TENM1: variants seen among roughly 807,000 people sequenced by gnomAD.
TENM1 encodes the protein teneurin-1.
In TENM1, 35 loss-of-function variants were observed where a neutral mutation model predicts 174.8. That is an observed-to-expected ratio of 0.20 (90% CI 0.15 to 0.27). TENM1 has a LOEUF of 0.27. TENM1 is among the 10% of genes least tolerant of loss of function. The probability of loss-of-function intolerance (pLI) is 1.00; values close to 1 mark genes in which losing one functional copy is unlikely to be tolerated. For synonymous variants in TENM1, 781 were observed against 798.7 expected (o/e 0.98, Z 0.37); for missense variants, 1,633 against 2,130.1 (o/e 0.77, Z 4.59).
At chrX:125,076,868 T>G in the TENM1 span, among the ~76,000 whole-genome samples, 3 of 111,658 alleles carry the variant, frequency 2.7e-5, no homozygotes, top group South Asian at 7.4e-4. Context: ...GATGCCTTTG[T>G]TATCCTTATC....
intron 11 of TENM1, among the ~76,000 whole-genome samples, chrX:124,582,502 G>A (rs753537103): frequency 8.9e-6 from 1 of 111,964 alleles, no homozygotes; most frequent in East Asian, 2.8e-4. Flanking sequence ...TACTATAAAT[G>A]GGATTGTATT....
intron 5 of TENM1, among the ~76,000 whole-genome samples, chrX:124,693,013 A>AC: frequency 9.4e-6 from 1 of 106,342 alleles, no homozygotes; most frequent in African/African-American, 3.4e-5. Flanking sequence ...CATCTCAAAA[A>AC]AAAAAAAAAA....
At chrX:124,998,642 G>GA in the TENM1 span, among the ~76,000 whole-genome samples, 12 of 111,080 alleles carry the variant, frequency 1.1e-4, no homozygotes, top group African/African-American at 3.9e-4. Context: ...TGACTTATGG[G>GA]AAAAATGAGG....
chrX:124,615,961 TCA>T (rs200999346), intron 11 of TENM1, among the ~76,000 whole-genome samples: 2 of 111,785 alleles, frequency 1.8e-5, no homozygotes, highest in African/African-American at 3.2e-5. Context: ...ACTGGTGGGG[TCA>T]CACACACACA....
chrX:124,768,831 T>A (rs2054588179), intron 3 of TENM1, among the ~76,000 whole-genome samples: 2 of 112,544 alleles, frequency 1.8e-5, no homozygotes, highest in African/African-American at 6.4e-5. Flanking sequence ...ATTCACATAT[T>A]CAGTATTGAA....
At chrX:124,670,154 AACTT>A (rs1389931477) in intron 6 of TENM1, among the ~76,000 whole-genome samples, 6 of 112,149 alleles carry the variant, frequency 5.4e-5, no homozygotes, top group Non-Finnish European at 1.1e-4. Context: ...CATCATCATC[AACTT>A]ACTTTATGGA....
intron 11 of TENM1, among the ~76,000 whole-genome samples, chrX:124,604,693 A>G (rs1177990990): frequency 9.0e-6 from 1 of 111,058 alleles, no homozygotes; most frequent in African/African-American, 3.3e-5. Flanking sequence ...TGTTGGAAAT[A>G]TAGTGTAACT....
intron 6 of TENM1, among the ~76,000 whole-genome samples, chrX:124,662,328 C>T (rs762822908): frequency 9.2e-6 from 1 of 108,967 alleles, no homozygotes; most frequent in South Asian, 4.1e-4. Flanking sequence ...GTGGTGCGCG[C>T]CTGTAATCCC....
At chrX:124,830,021 G>A (rs921964571) in intron 3 of TENM1, among the ~76,000 whole-genome samples, 2 of 111,877 alleles carry the variant, frequency 1.8e-5, no homozygotes, top group Admixed American at 9.5e-5. Flanking sequence ...AGGTGGTCCC[G>A]GCTTAGTGTA....
chrX:124,835,726 C>T (rs2056378765), intron 3 of TENM1, among the ~76,000 whole-genome samples: 1 of 111,319 alleles, frequency 9.0e-6, no homozygotes, highest in Admixed American at 9.6e-5. Flanking sequence ...ATAGAGTTAC[C>T]TTCATAAATG....
At chrX:124,942,930 A>T (rs1201507078) in intron 1 of TENM1, among the ~76,000 whole-genome samples, 1 of 111,920 alleles carries the variant, frequency 8.9e-6, no homozygotes. Flanking sequence ...GAGACTAAGG[A>T]GGATCAGACA....
intron 25 of TENM1, among the ~76,000 whole-genome samples, chrX:124,408,631 T>C (rs1279297567): frequency 1.8e-5 from 2 of 110,714 alleles, no homozygotes; most frequent in Non-Finnish European, 3.8e-5. Flanking sequence ...CCTTTCCTGA[T>C]TTCTTTCTTT....
intron 26 of TENM1, 131 bp downstream of exon 29, chrX:124,406,186 T>C: frequency 1.9e-6 from 1 of 536,775 alleles, no homozygotes; most frequent in South Asian, 3.8e-5. Flanking sequence ...TCAACTTCCA[T>C]AGCTGGAAAA....
chrX:124,420,067 G>A (rs906492090), intron 25 of TENM1, among the ~76,000 whole-genome samples: 3 of 111,877 alleles, frequency 2.7e-5, no homozygotes, highest in Non-Finnish European at 1.9e-5. Flanking sequence ...CTCCTGCAGT[G>A]CCACACTTGA....
At chrX:124,748,366 A>ATTAT (rs1556290541) in intron 3 of TENM1, among the ~76,000 whole-genome samples, 2 of 109,647 alleles carry the variant, frequency 1.8e-5, no homozygotes, top group Non-Finnish European at 3.8e-5. Context: ...AGAGAGAGAG[A>ATTAT]TTATATATAT....
intron 3 of TENM1, among the ~76,000 whole-genome samples, chrX:124,749,589 G>A (rs1253804148): frequency 8.9e-6 from 1 of 112,030 alleles, no homozygotes; most frequent in African/African-American, 3.2e-5. Flanking sequence ...AAGGAGTTGT[G>A]GATAACCGTT....
intron 3 of TENM1, among the ~76,000 whole-genome samples, chrX:124,758,987 A>G (rs1013999479): frequency 8.9e-6 from 1 of 112,053 alleles, no homozygotes; most frequent in Admixed American, 9.5e-5. Context: ...ACACTACTGT[A>G]CCATACACTT....
chrX:124,430,556 GC>G lies in TENM1; in HGVS notation c.4105-7919del, dbSNP rs771981110. ...GCACAGTGCTTGGTACATTAAAAGA[GC>G]TTTGTAGAGGCTAGCTATTTTTGAA... On this transcript the variant is annotated intron_variant, in intron 23 of 31. Coordinates refer to ENST00000422452, the Ensembl canonical transcript of TENM1. Among the ~76,000 whole-genome samples the G allele has an allele frequency of 7.1e-5, 8 of 112,309 alleles. No homozygotes were observed. The East Asian group carries it at 2.2e-3, about 31-fold the overall frequency.
At chrX:124,741,883 T>C (rs1027918638) in intron 3 of TENM1, among the ~76,000 whole-genome samples, 10 of 112,368 alleles carry the variant, frequency 8.9e-5, no homozygotes, top group Admixed American at 9.4e-5. Context: ...ACAGATGGAA[T>C]TGCGCATATG....
Sources: gnomAD v4.1 joint callset for allele counts (sites outside exome capture counted in the v4.1 genomes callset) on GRCh38, gnomAD v4.1.1 for gene constraint, MANE v1.5 for transcripts, NCBI Gene and HGNC (gene_info 2026-07-23, HGNC 2026-07-21) for gene names.